The following ENPP6 variants were observed in gnomAD, a reference collection of about 807,000 sequenced individuals.
ENPP6 encodes glycerophosphocholine cholinephosphodiesterase ENPP6.
ENPP6 carries 32 observed loss-of-function variants against 42.0 expected under a neutral mutation model. The ratio of observed to expected loss-of-function variants is 0.76; its 90% CI spans 0.58 to 1.02. The LOEUF is 1.02. Among genes scored for constraint, ENPP6 ranks in the 50% least tolerant of loss-of-function variants. The probability of loss-of-function intolerance (pLI) is 0.00; values close to 1 mark genes in which losing one functional copy is unlikely to be tolerated. For synonymous variants in ENPP6, 213 were observed against 216.0 expected (o/e 0.99, Z 0.12); for missense variants, 552 against 566.8 (o/e 0.97, Z 0.27).
At chr4:184,166,309 C>T (rs1737346603) in intron 1 of ENPP6, among the ~76,000 whole-genome samples, 1 of 151,726 alleles carries the variant, frequency 6.6e-6, no homozygotes. Flanking sequence ...AGTGTAGGGA[C>T]TGCAACAAAA....
Position 184,090,565 on chromosome 4 carries a change from G to A in ENPP6, c.*612C>T, listed in dbSNP as rs1560974671. Reference sequence around the variant, plus strand: ...TGTTCTATGAGTTCTCCAATCCTTAGTGATTTATTTATTTTTTGATTGATT... The same window carrying A: ...TGTTCTATGAGTTCTCCAATCCTTAATGATTTATTTATTTTTTGATTGATT... On this transcript the variant is annotated 3_prime_UTR_variant, in exon 8 of 8. Transcript: ENST00000296741. The A allele has an allele frequency of 6.4e-6, 1 of 155,280 alleles. No homozygotes were observed. 9.6% of individuals were successfully genotyped at this position (155,280 alleles called of 1,614,324 possible).
chr4:184,209,024 T>C (rs907265465), intron 1 of ENPP6, among the ~76,000 whole-genome samples: 1 of 143,128 alleles, frequency 7.0e-6, no homozygotes, highest in Non-Finnish European at 1.5e-5. Context: ...CAGCTGAGGG[T>C]CCTGTCTGTT....
intron 2 of ENPP6, among the ~76,000 whole-genome samples, chr4:184,129,014 C>T (rs1247904132): frequency 2.0e-5 from 3 of 151,980 alleles, no homozygotes; most frequent in East Asian, 1.9e-4. Context: ...AAAACTTCAC[C>T]GACAGGCTAG....
intron 2 of ENPP6, among the ~76,000 whole-genome samples, chr4:184,136,626 G>A (rs762461448): frequency 2.4e-4 from 37 of 152,166 alleles, no homozygotes; most frequent in African/African-American, 5.3e-4. Context: ...AGAATTTTAC[G>A]TTGATCACTG....
intron 1 of ENPP6, among the ~76,000 whole-genome samples, chr4:184,181,737 C>T (rs1304536626): frequency 6.6e-6 from 1 of 152,078 alleles, no homozygotes; most frequent in Non-Finnish European, 1.5e-5. Flanking sequence ...TTTGACAAAC[C>T]TGACAAAAAC....
intron 7 of ENPP6, among the ~76,000 whole-genome samples, chr4:184,095,769 C>T (rs1010064159): frequency 6.6e-6 from 1 of 151,854 alleles, no homozygotes; most frequent in Non-Finnish European, 1.5e-5. Context: ...TTTCCCTCAT[C>T]TGGGAATGGA....
Position 184,210,555 on chromosome 4 carries a change from C to A in ENPP6, c.241+7024G>T, listed in dbSNP as rs1200469301. 4.1e-5 allele frequency among the ~76,000 whole-genome samples: 6 copies of A among 145,326 alleles called. No individual in the cohort carries two copies. In the East Asian group the frequency reaches 1.2e-3, roughly 29 times the overall value. On this transcript the variant is annotated intron_variant, in intron 1 of 7. Coordinates refer to ENST00000296741, the MANE Select transcript of ENPP6 (RefSeq NM_153343.4). ...GAGCTAACTATCCTAAATATATATGCACCCACTACAGGAGCACCCAGATTC... is the reference window on the plus strand; with the variant it reads ...GAGCTAACTATCCTAAATATATATGAACCCACTACAGGAGCACCCAGATTC...
intron 1 of ENPP6, among the ~76,000 whole-genome samples, chr4:184,160,273 T>G (rs192566592): frequency 6.6e-6 from 1 of 152,364 alleles, no homozygotes; most frequent in East Asian, 1.9e-4. Context: ...TCACCAGCAG[T>G]GTAAAAATGT....
chr4:184,143,450 T>C (rs111445880), intron 2 of ENPP6, among the ~76,000 whole-genome samples: 1,540 of 152,310 alleles, frequency 0.01, 27 homozygotes, highest in South Asian at 0.038. Context: ...CGGCACCAGC[T>C]CTCCTGGACT....
intron 7 of ENPP6, among the ~76,000 whole-genome samples, chr4:184,093,735 C>T (rs1424160415): frequency 3.3e-5 from 5 of 151,698 alleles, no homozygotes; most frequent in Non-Finnish European, 5.9e-5. Flanking sequence ...AGTATCCCAG[C>T]CCCTCTCAGG....
chr4:184,098,061 C>T (rs1312551357), intron 6 of ENPP6, among the ~76,000 whole-genome samples: 1 of 152,208 alleles, frequency 6.6e-6, no homozygotes, highest in African/African-American at 2.4e-5. Context: ...TTCTTTCCCA[C>T]GGGCCTCTCT....
intron 1 of ENPP6, among the ~76,000 whole-genome samples, chr4:184,161,082 A>C (rs190534214): frequency 3.3e-5 from 5 of 152,342 alleles, no homozygotes; most frequent in Admixed American, 3.3e-4. Context: ...TCTGCACAGC[A>C]AAGGAAATGG....
intron 1 of ENPP6, among the ~76,000 whole-genome samples, chr4:184,193,811 T>C (rs1732742650): frequency 1.3e-5 from 2 of 152,188 alleles, no homozygotes; most frequent in Admixed American, 1.3e-4. Context: ...AAAGCATTTT[T>C]CCTCCTTTCC....
intron 1 of ENPP6, among the ~76,000 whole-genome samples, chr4:184,193,155 C>T (rs956485495): frequency 6.6e-5 from 10 of 152,190 alleles, no homozygotes; most frequent in African/African-American, 2.4e-4. Context: ...GGAGAAATGA[C>T]AACATATATT....
chr4:184,146,352 C>T (rs1736920257), intron 2 of ENPP6, among the ~76,000 whole-genome samples: 2 of 151,478 alleles, frequency 1.3e-5, no homozygotes, highest in South Asian at 2.1e-4. Flanking sequence ...ATTGCTTGAA[C>T]CTGGGAGGCA....
intron 1 of ENPP6, among the ~76,000 whole-genome samples, chr4:184,213,984 G>A (rs376459708): frequency 0.056 from 6,907 of 123,394 alleles, 223 homozygotes; most frequent in Middle Eastern, 0.1. Flanking sequence ...GTAAACTATC[G>A]CAAGAACAAA....
chr4:184,173,811 A>G (rs944678239), intron 1 of ENPP6, among the ~76,000 whole-genome samples: 1 of 152,196 alleles, frequency 6.6e-6, no homozygotes. Flanking sequence ...CTAGTGCATA[A>G]GGGCTTTACA....
intron 1 of ENPP6, among the ~76,000 whole-genome samples, chr4:184,210,235 A>G (rs1490802412): frequency 6.7e-6 from 1 of 149,068 alleles, no homozygotes; most frequent in African/African-American, 2.5e-5. Context: ...CACACATAAC[A>G]ATATTAACTT....
intron 6 of ENPP6, among the ~76,000 whole-genome samples, chr4:184,101,304 TTGTGTGTGTGTGTGTGTGTGTGTG>T (rs56174532): frequency 6.6e-5 from 9 of 137,186 alleles, no homozygotes; most frequent in Non-Finnish European, 9.4e-5. Flanking sequence ...GTGTGTGAGC[TTGTGTGTGTGTGTGTGTGTGTGTG>T]TGTGTGTGTG....
Sources: allele counts gnomAD v4.1 joint callset (sites outside exome capture counted in the v4.1 genomes callset), GRCh38; gene constraint gnomAD v4.1.1; transcripts MANE v1.5; gene names NCBI Gene and HGNC (gene_info 2026-07-23, HGNC 2026-07-21).